EPHA6: variants seen among roughly 807,000 people sequenced by gnomAD.
The protein encoded by EPHA6 is ephrin type-A receptor 6.
In EPHA6, 50 loss-of-function variants were observed where a neutral mutation model predicts 112.0. The observed-to-expected ratio is 0.45, with a 90% confidence interval of 0.36 to 0.56. EPHA6 has a LOEUF of 0.56. EPHA6 is among the 20% of genes least tolerant of loss of function. The pLI is 0.00. For synonymous variants in EPHA6, 529 were observed against 490.7 expected, an observed-to-expected ratio of 1.08 and a Z score of -1.03; for missense variants, 1,280 against 1,417.4, an observed-to-expected ratio of 0.90 and a Z score of 1.56.
intron 5 of EPHA6, among the ~76,000 whole-genome samples, chr3:97,265,012 T>C (rs1365754521): frequency 6.6e-6 from 1 of 152,210 alleles, no homozygotes; most frequent in Non-Finnish European, 1.5e-5. Flanking sequence ...TAGCTCCTCT[T>C]TGCAGCTGGT....
chr3:97,000,526 A>G (rs143266986), intron 3 of EPHA6, among the ~76,000 whole-genome samples: 1 of 151,964 alleles, frequency 6.6e-6, no homozygotes, highest in Non-Finnish European at 1.5e-5. Flanking sequence ...TCCATCATAC[A>G]CAAAATAAGG....
At chr3:97,142,883 T>C (rs1188501483) in intron 3 of EPHA6, among the ~76,000 whole-genome samples, 18 of 151,868 alleles carry the variant, frequency 1.2e-4, no homozygotes, top group Admixed American at 1.2e-3. Flanking sequence ...TCATACTGAA[T>C]TGAGAAAAGC....
Position 97,077,528 on chromosome 3 carries a change from A to G in EPHA6, c.1114+89535A>G, listed in dbSNP as rs1021504128. 4.0e-5 allele frequency among the ~76,000 whole-genome samples: 6 copies of G among 151,854 alleles called. 1 individual carries two copies. Among genetic ancestry groups the G allele is most frequent in the Admixed American group, 2.6e-4 (4 of 15,218 alleles). On this transcript the variant is annotated intron_variant, in intron 3 of 17. Coordinates refer to ENST00000389672, the MANE Select transcript of EPHA6 (RefSeq NM_001080448.3). ...TACATTAGGTATTTCTCCCAGTACTATCCCTGCCCCCGCCCCATCCCCCTC... is the reference window on the plus strand; with the variant it reads ...TACATTAGGTATTTCTCCCAGTACTGTCCCTGCCCCCGCCCCATCCCCCTC...
intron 3 of EPHA6, among the ~76,000 whole-genome samples, chr3:97,064,193 C>A (rs2046110030): frequency 6.6e-6 from 1 of 152,124 alleles, no homozygotes; most frequent in Admixed American, 6.6e-5. Flanking sequence ...GGAGTTAGCT[C>A]AGTTTTTCTT....
intron 3 of EPHA6, among the ~76,000 whole-genome samples, chr3:97,195,530 C>G (rs543904767): frequency 1.3e-5 from 2 of 152,118 alleles, no homozygotes; most frequent in South Asian, 4.1e-4. Context: ...TTATACATCA[C>G]AGTTACAGTG....
Position 96,821,760 on chromosome 3 carries a change from TA to T in EPHA6, c.385+6757del, listed in dbSNP as rs1040660541. ...AAGAAGATTTATGTAAAGATTTATT[TA>T]AAAATATCTATTATTTTATTACATT... On this transcript the variant is annotated intron_variant, in intron 1 of 17. Coordinates refer to ENST00000389672, the MANE Select transcript of EPHA6 (RefSeq NM_001080448.3). 1.0e-3 allele frequency among the ~76,000 whole-genome samples: 155 copies of T among 151,970 alleles called. 1 individual carries two copies. Among genetic ancestry groups the T allele is most frequent in the African/African-American group, 3.6e-3 (150 of 41,542 alleles).
intron 2 of EPHA6, among the ~76,000 whole-genome samples, chr3:96,895,485 G>T (rs2038217736): frequency 6.6e-6 from 1 of 152,068 alleles, no homozygotes; most frequent in African/African-American, 2.4e-5. Flanking sequence ...ATTTAGTGTA[G>T]CCTAAGTGTA....
chr3:97,521,667 A>G (rs2092545280), intron 10 of EPHA6, among the ~76,000 whole-genome samples: 1 of 152,106 alleles, frequency 6.6e-6, no homozygotes, highest in Non-Finnish European at 1.5e-5. Context: ...GGGAACTACA[A>G]TTCAAGATGA....
rs377608615 is a variant in EPHA6 at position 97,637,879 on chromosome 3, G to T, written c.2581G>T (p.Asp861Tyr). 2.5e-6 allele frequency: 4 copies of T among 1,613,504 alleles called. No individual in the cohort carries two copies. Among genetic ancestry groups the T allele is most frequent in the African/African-American group, 1.3e-5 (1 of 74,926 alleles). ...AATTGTGATTCTCTTGCAGAAGCAT[G>T]ATGGCCACTTCACAGTCATCCAGTT... is the stretch of plus-strand genomic sequence containing the variant. Reference protein sequence around the residue: ...GSLDSFLRKHDGHFTVIQLVG... With the variant: ...GSLDSFLRKHYGHFTVIQLVG... The change falls in exon 14 of 18, where the codon GAT becomes TAT. Residue 861 changes from aspartate (D) to tyrosine (Y), a missense_variant. Asp to Tyr is a radical substitution (Grantham distance 160). Coordinates refer to ENST00000389672, the MANE Select transcript of EPHA6 (RefSeq NM_001080448.3).
chr3:97,225,478 A>T (rs2108542609), intron 3 of EPHA6, among the ~76,000 whole-genome samples: 1 of 152,298 alleles, frequency 6.6e-6, no homozygotes, highest in South Asian at 2.1e-4. Context: ...CTCATATATT[A>T]TTTATGTATT....
At chr3:97,125,758 G>A (rs1295995837) in intron 3 of EPHA6, among the ~76,000 whole-genome samples, 2 of 152,098 alleles carry the variant, frequency 1.3e-5, no homozygotes, top group Admixed American at 1.3e-4. Flanking sequence ...TTAATTATCA[G>A]TTAAATTACA....
At chr3:97,314,477 A>T (rs2081714886) in intron 5 of EPHA6, among the ~76,000 whole-genome samples, 1 of 151,638 alleles carries the variant, frequency 6.6e-6, no homozygotes, top group South Asian at 2.1e-4. Flanking sequence ...CATTCTAAGG[A>T]TTATAATCAA....
At chr3:97,643,086 G>T in intron 14 of EPHA6, among the ~76,000 whole-genome samples, 1 of 152,202 alleles carries the variant, frequency 6.6e-6, no homozygotes. Context: ...GACTAACAGT[G>T]GATCTCTCGG....
chr3:97,376,027 C>G (rs1175158794), intron 5 of EPHA6, among the ~76,000 whole-genome samples: 2 of 152,112 alleles, frequency 1.3e-5, no homozygotes, highest in Non-Finnish European at 2.9e-5. Flanking sequence ...TATGAAAGAT[C>G]ATCAAATTGT....
At chr3:97,303,417 C>T (rs2081178419) in intron 5 of EPHA6, among the ~76,000 whole-genome samples, 1 of 151,800 alleles carries the variant, frequency 6.6e-6, no homozygotes, top group Non-Finnish European at 1.5e-5. Context: ...GTTTTCCAGA[C>T]ATAACAAACA....
At chr3:97,632,821 T>G (rs1326649585) in intron 13 of EPHA6, among the ~76,000 whole-genome samples, 1 of 152,118 alleles carries the variant, frequency 6.6e-6, no homozygotes, top group African/African-American at 2.4e-5. Context: ...ACTAAGACAG[T>G]GCACTTTATT....
chr3:97,399,833 T>A lies in EPHA6; in HGVS notation c.1607-5317T>A, dbSNP rs190542478. ...TGAGTTCCATGTATAGTCCTTGATATTAATCCATTGTTGAATGAATAGTAG... is the reference window on the plus strand; with the variant it reads ...TGAGTTCCATGTATAGTCCTTGATAATAATCCATTGTTGAATGAATAGTAG... On this transcript the variant is annotated intron_variant, in intron 5 of 17. Transcript: ENST00000389672. Among the ~76,000 whole-genome samples, 260 of 151,818 alleles carry A rather than the reference T, an allele frequency of 1.7e-3. 1 individual carries two copies. The highest frequency in any genetic ancestry group is 6.8e-3 in the Middle Eastern group (2 of 294).
intron 3 of EPHA6, among the ~76,000 whole-genome samples, chr3:97,090,957 C>T (rs1559721736): frequency 6.6e-6 from 1 of 152,028 alleles, no homozygotes; most frequent in Admixed American, 6.6e-5. Flanking sequence ...TGTTTTAACA[C>T]CTGTTTACAC....
At chr3:96,863,901 A>C (rs1402921495) in intron 1 of EPHA6, among the ~76,000 whole-genome samples, 1 of 152,080 alleles carries the variant, frequency 6.6e-6, no homozygotes, top group Non-Finnish European at 1.5e-5. Flanking sequence ...AGGTTGTACC[A>C]GTGAATTTTC....
Sources: allele counts gnomAD v4.1 joint callset (sites outside exome capture counted in the v4.1 genomes callset), GRCh38; gene constraint gnomAD v4.1.1; transcripts MANE v1.5; gene names NCBI Gene and HGNC (gene_info 2026-07-23, HGNC 2026-07-21).